Variants in DOCK1 observed in about 807,000 individuals in gnomAD.
The protein encoded by DOCK1 is dedicator of cytokinesis protein 1.
DOCK1 carries 138 observed loss-of-function variants against 262.7 expected under a neutral mutation model. The ratio of observed to expected loss-of-function variants is 0.53; its 90% CI spans 0.46 to 0.61. The LOEUF (loss-of-function observed/expected upper bound fraction) is 0.61. DOCK1 is among the 20% of genes least tolerant of loss of function. The pLI is 0.00. For synonymous variants in DOCK1, 866 were observed against 867.4 expected, an observed-to-expected ratio of 1.00 and a Z score of 0.03; for missense variants, 1,908 against 2,370.7, an observed-to-expected ratio of 0.80 and a Z score of 4.05.
chr10:127,320,938 C>T (rs1269006923), intron 29 of DOCK1, among the ~76,000 whole-genome samples: 3 of 151,936 alleles, frequency 2.0e-5, no homozygotes, highest in African/African-American at 4.8e-5. Flanking sequence ...CTGTTTTGTC[C>T]TTCACAGCCA....
chr10:126,989,493 A>AT, intron 5 of DOCK1, among the ~76,000 whole-genome samples: 1 of 151,836 alleles, frequency 6.6e-6, no homozygotes, highest in East Asian at 1.9e-4. Context: ...TGCTCAGCTA[A>AT]TTTTTTTAAT....
chr10:127,309,477 C>A (rs191824796), intron 29 of DOCK1, among the ~76,000 whole-genome samples: 15 of 152,246 alleles, frequency 9.9e-5, no homozygotes, highest in African/African-American at 2.9e-4. Flanking sequence ...GCTTTTGTTG[C>A]AGTTGCTTTT....
At chr10:127,155,376 TTC>T (rs1366955360) in intron 27 of DOCK1, among the ~76,000 whole-genome samples, 2 of 152,240 alleles carry the variant, frequency 1.3e-5, no homozygotes, top group African/African-American at 4.8e-5. Flanking sequence ...AGTGACCATA[TTC>T]TGCTCCAAAG....
intron 25 of DOCK1, among the ~76,000 whole-genome samples, chr10:127,115,243 C>G (rs1592084243): frequency 6.6e-6 from 1 of 152,174 alleles, no homozygotes; most frequent in South Asian, 2.1e-4. Flanking sequence ...TGGATGTTCC[C>G]ACCCCTGGCC....
At chr10:127,084,743 C>T (rs972823724) in intron 23 of DOCK1, among the ~76,000 whole-genome samples, 1 of 152,188 alleles carries the variant, frequency 6.6e-6, no homozygotes, top group East Asian at 1.9e-4. Context: ...TGCTCTCACT[C>T]CACCTGTCCT....
chr10:127,212,524 T>A (rs1316024667), intron 27 of DOCK1, among the ~76,000 whole-genome samples: 1 of 152,122 alleles, frequency 6.6e-6, no homozygotes, highest in Non-Finnish European at 1.5e-5. Context: ...ACTGTGCTTC[T>A]CGCTTGCAGA....
chr10:127,254,156 T>C (rs1279319891), intron 28 of DOCK1, among the ~76,000 whole-genome samples: 2 of 152,200 alleles, frequency 1.3e-5, no homozygotes, highest in Non-Finnish European at 2.9e-5. Flanking sequence ...TTCCAAATTT[T>C]TTTGTCCTTT....
At chr10:127,342,064 G>A (rs2063453008) in intron 30 of DOCK1, among the ~76,000 whole-genome samples, 1 of 151,746 alleles carries the variant, frequency 6.6e-6, no homozygotes, top group South Asian at 2.1e-4. Flanking sequence ...TTTTGTTGTT[G>A]TTGCTGCTGC....
At chr10:127,048,167 C>G (rs2044470334) in intron 21 of DOCK1, among the ~76,000 whole-genome samples, 1 of 152,154 alleles carries the variant, frequency 6.6e-6, no homozygotes, top group Non-Finnish European at 1.5e-5. Flanking sequence ...GTATCCTCAT[C>G]AACATTTAGT....
At position 127,106,248 on chromosome 10, in the gene DOCK1, C is replaced by G. The variant is rs2048522458; in HGVS notation, c.2463C>G (p.Tyr821Ter). The G allele has an allele frequency of 6.3e-7, 1 of 1,592,696 alleles. No homozygotes were observed. The highest frequency in any genetic ancestry group is 1.1e-5 in the South Asian group (1 of 87,256). Residue 821 changes from tyrosine (Y) to a stop codon, truncating the protein, a stop_gained, in exon 24 of 52, where the codon TAC becomes TAG. Coordinates refer to ENST00000623213, the MANE Select transcript of DOCK1 (RefSeq NM_001290223.2). LOFTEE classifies it high-confidence loss of function. ...ATTTGCAGGGGGCAGCACTGAAATA[C>G]TTACCAACGATCGTCAACGATGTGA... ...TVRVKGAALK[Y>*]LPTIVNDVKL...
At chr10:127,318,037 A>G (rs1052626110) in intron 29 of DOCK1, among the ~76,000 whole-genome samples, 2 of 152,162 alleles carry the variant, frequency 1.3e-5, no homozygotes, top group African/African-American at 4.8e-5. Context: ...CTTGCTCAGG[A>G]CTTATTTCCC....
At chr10:126,980,688 T>G (rs1315557990) in intron 3 of DOCK1, among the ~76,000 whole-genome samples, 1 of 152,006 alleles carries the variant, frequency 6.6e-6, no homozygotes. Flanking sequence ...CAAACTTGAT[T>G]AGTAGCTTGT....
chr10:127,424,037 C>T (rs7915531), intron 46 of DOCK1, among the ~76,000 whole-genome samples: 1 of 152,318 alleles, frequency 6.6e-6, no homozygotes, highest in African/African-American at 2.4e-5. Context: ...GGAACCCACT[C>T]AACTACAGGG....
intron 29 of DOCK1, among the ~76,000 whole-genome samples, chr10:127,299,427 A>G (rs1349028619): frequency 6.6e-6 from 1 of 152,190 alleles, no homozygotes; most frequent in Non-Finnish European, 1.5e-5. Flanking sequence ...TCTTAATCCA[A>G]TGGCTGGTCT....
At chr10:127,317,670 A>G (rs1267175403) in intron 29 of DOCK1, among the ~76,000 whole-genome samples, 1 of 152,172 alleles carries the variant, frequency 6.6e-6, no homozygotes, top group Non-Finnish European at 1.5e-5. Context: ...AACTTAATAC[A>G]TGTCCGGGAG....
chr10:126,981,097 G>C (rs554743157), intron 3 of DOCK1, among the ~76,000 whole-genome samples: 1 of 152,042 alleles, frequency 6.6e-6, no homozygotes, highest in East Asian at 1.9e-4. Context: ...ACAGGTGCCC[G>C]CCACCACACC....
intron 29 of DOCK1, among the ~76,000 whole-genome samples, chr10:127,309,826 A>T (rs1402501116): frequency 6.6e-6 from 1 of 151,620 alleles, no homozygotes; most frequent in Admixed American, 6.6e-5. Context: ...GACTCACAAC[A>T]CTAAACAATT....
chr10:127,362,881 A>ATCCCCACACACACATACACATGCACG (rs2064599429), intron 33 of DOCK1, among the ~76,000 whole-genome samples: 7 of 133,664 alleles, frequency 5.2e-5, no homozygotes, highest in South Asian at 2.4e-4. Context: ...ACACATACAC[A>ATCCCCACACACACATACACATGCACG]TCCCCACACA....
intron 23 of DOCK1, among the ~76,000 whole-genome samples, chr10:127,091,577 C>T (rs1239690064): frequency 1.3e-5 from 2 of 152,168 alleles, no homozygotes; most frequent in East Asian, 3.9e-4. Flanking sequence ...TGTGTTTGCT[C>T]CTGAGCAGGA....
Sources: gnomAD v4.1 joint callset for allele counts (sites outside exome capture counted in the v4.1 genomes callset) on GRCh38, gnomAD v4.1.1 for gene constraint, MANE v1.5 for transcripts, NCBI Gene and HGNC (gene_info 2026-07-23, HGNC 2026-07-21) for gene names.